Variants in SHISA9 observed in about 807,000 individuals in gnomAD.
SHISA9 encodes the protein shisa family member 9.
A neutral mutation model predicts 38.0 loss-of-function variants in SHISA9; 13 were observed. The observed-to-expected ratio is 0.34, with a 90% CI of 0.22 to 0.54. The LOEUF is 0.54. Among genes scored for constraint, SHISA9 ranks in the 20% least tolerant of loss-of-function variants. SHISA9 has a pLI of 0.91. For missense variants in SHISA9, 538 were observed against 575.8 expected (o/e 0.93, Z 0.67); for synonymous variants, 275 against 242.0 (o/e 1.14, Z -1.27).
intron 2 of SHISA9, among the ~76,000 whole-genome samples, chr16:13,099,231 C>G (rs2073855587): frequency 6.6e-6 from 1 of 152,220 alleles, no homozygotes; most frequent in African/African-American, 2.4e-5. Context: ...TATGTAGTCT[C>G]TGGCACTTTA....
At chr16:13,342,741 A>G in the SHISA9 span, among the ~76,000 whole-genome samples, 1 of 152,212 alleles carries the variant, frequency 6.6e-6, no homozygotes, top group Admixed American at 6.5e-5. Context: ...TATTCTGATT[A>G]GATTTCATGG....
At chr16:13,114,900 C>CTCCATCCATCCATCCA (rs3075115) in intron 2 of SHISA9, among the ~76,000 whole-genome samples, 156 of 149,786 alleles carry the variant, frequency 1.0e-3, no homozygotes, top group East Asian at 2.0e-3. Context: ...TTACATCTAA[C>CTCCATCCATCCATCCA]TCCATCCATC....
At chr16:12,954,211 G>A (rs2071798329) in intron 2 of SHISA9, among the ~76,000 whole-genome samples, 1 of 152,218 alleles carries the variant, frequency 6.6e-6, no homozygotes, top group Non-Finnish European at 1.5e-5. Flanking sequence ...GGAATAGCCT[G>A]TGCAAAGGCG....
chr16:13,339,858 C>A, the SHISA9 span, among the ~76,000 whole-genome samples: 2 of 152,056 alleles, frequency 1.3e-5, no homozygotes, highest in Non-Finnish European at 2.9e-5. Flanking sequence ...ATGAAAGTTA[C>A]ATGAATAAAT....
At chr16:12,975,288 A>G (rs955865788) in intron 2 of SHISA9, among the ~76,000 whole-genome samples, 1 of 152,144 alleles carries the variant, frequency 6.6e-6, no homozygotes, top group Non-Finnish European at 1.5e-5. Context: ...GTGAATCACA[A>G]GGTCAGGAGT....
At chr16:13,373,172 G>T in the SHISA9 span, among the ~76,000 whole-genome samples, 6 of 152,122 alleles carry the variant, frequency 3.9e-5, no homozygotes, top group African/African-American at 1.4e-4. Flanking sequence ...CAAGCAAAAT[G>T]CCTTACCCTG....
At chr16:13,483,929 T>G in the SHISA9 span, among the ~76,000 whole-genome samples, 1 of 152,178 alleles carries the variant, frequency 6.6e-6, no homozygotes, top group African/African-American at 2.4e-5. Flanking sequence ...CTGAGTTCTG[T>G]GAGATGCTCC....
the SHISA9 span, among the ~76,000 whole-genome samples, chr16:13,355,837 G>A: frequency 2.0e-5 from 3 of 152,186 alleles, no homozygotes; most frequent in African/African-American, 7.2e-5. Context: ...GTCTTCAGCC[G>A]CTAAGCCGAG....
At chr16:13,326,423 C>A in the SHISA9 span, among the ~76,000 whole-genome samples, 7 of 152,158 alleles carry the variant, frequency 4.6e-5, no homozygotes, top group South Asian at 2.1e-4. Flanking sequence ...TCACTTCTTT[C>A]AAGAGTCAAA....
At chr16:13,447,144 T>C in the SHISA9 span, among the ~76,000 whole-genome samples, 6 of 152,158 alleles carry the variant, frequency 3.9e-5, no homozygotes, top group Non-Finnish European at 7.4e-5. Context: ...CATGTGAGCC[T>C]TTGGCTTGAG....
intron 2 of SHISA9, among the ~76,000 whole-genome samples, chr16:13,106,034 CA>C (rs1249933742): frequency 6.6e-6 from 1 of 152,106 alleles, no homozygotes; most frequent in Non-Finnish European, 1.5e-5. Context: ...TTTGTCCCTG[CA>C]GCCCTATGCC....
At chr16:13,484,778 G>A in the SHISA9 span, among the ~76,000 whole-genome samples, 7 of 152,052 alleles carry the variant, frequency 4.6e-5, no homozygotes, top group African/African-American at 1.7e-4. Flanking sequence ...GGAAGCGTGG[G>A]GAAGAGTTGC....
At chr16:13,467,875 G>T in the SHISA9 span, among the ~76,000 whole-genome samples, 1 of 152,172 alleles carries the variant, frequency 6.6e-6, no homozygotes, top group East Asian at 1.9e-4. Flanking sequence ...TTAAAAAGTG[G>T]AAACACTTCA....
At chr16:13,502,315 C>T in the SHISA9 span, among the ~76,000 whole-genome samples, 1 of 152,114 alleles carries the variant, frequency 6.6e-6, no homozygotes, top group Non-Finnish European at 1.5e-5. Context: ...CAGGATCCCA[C>T]ACTAACATCT....
At chr16:13,286,580 C>G in the SHISA9 span, among the ~76,000 whole-genome samples, 2 of 152,074 alleles carry the variant, frequency 1.3e-5, no homozygotes, top group Admixed American at 1.3e-4. Context: ...AAAATTAAAC[C>G]TATATTAGGG....
At chr16:12,981,946 C>T (rs1372458973) in intron 2 of SHISA9, among the ~76,000 whole-genome samples, 1 of 152,192 alleles carries the variant, frequency 6.6e-6, no homozygotes, top group South Asian at 2.1e-4. Context: ...TGATCTTGGA[C>T]TTCTAACCTC....
At chr16:13,064,507 C>T (rs755142590) in intron 2 of SHISA9, among the ~76,000 whole-genome samples, 3 of 152,020 alleles carry the variant, frequency 2.0e-5, no homozygotes, top group Non-Finnish European at 4.4e-5. Flanking sequence ...TTAAACACAC[C>T]ATTCCTTCAG....
chr16:13,544,429 G>GTTTTTTTTTTTTTTT, the SHISA9 span, among the ~76,000 whole-genome samples: 4 of 102,116 alleles, frequency 3.9e-5, no homozygotes, highest in South Asian at 3.4e-4. Context: ...TTTTTTTCTT[G>GTTTTTTTTTTTTTTT]TTTTTTTTTT....
At chr16:13,179,205 C>A (rs1214460648) in intron 2 of SHISA9, among the ~76,000 whole-genome samples, 1 of 152,062 alleles carries the variant, frequency 6.6e-6, no homozygotes, top group Non-Finnish European at 1.5e-5. Context: ...TGTAATCCCA[C>A]CTATTCAGGA....
Sources: gnomAD v4.1 joint callset for allele counts (sites outside exome capture counted in the v4.1 genomes callset) on GRCh38, gnomAD v4.1.1 for gene constraint, MANE v1.5 for transcripts, NCBI Gene and HGNC (gene_info 2026-07-23, HGNC 2026-07-21) for gene names.